PTPDC1: variants seen among roughly 807,000 people sequenced by gnomAD.
PTPDC1 encodes the protein protein tyrosine phosphatase domain containing 1, also known as protein tyrosine phosphatase domain-containing protein 1.
In PTPDC1, 53 loss-of-function variants were observed where a neutral mutation model predicts 75.3. The ratio of observed to expected loss-of-function variants is 0.70; its 90% CI spans 0.56 to 0.88. PTPDC1 has a LOEUF of 0.88. Ranked by LOEUF, PTPDC1 falls within the 40% of genes least tolerant of loss-of-function variation. The pLI is 0.00. For synonymous variants in PTPDC1, 349 were observed against 366.2 expected, an observed-to-expected ratio of 0.95 and a Z score of 0.54; for missense variants, 925 against 998.6, an observed-to-expected ratio of 0.93 and a Z score of 0.99.
chr9:94,098,794 A>G (rs1827726556), intron 6 of PTPDC1: 1 of 569,684 alleles, frequency 1.8e-6, no homozygotes, highest in Non-Finnish European at 3.1e-6. Context: ...TGCATACTCA[A>G]GAAAGCACTT....
intron 1 of PTPDC1, among the ~76,000 whole-genome samples, chr9:94,061,868 G>A (rs1329898849): frequency 1.3e-5 from 2 of 152,232 alleles, no homozygotes; most frequent in African/African-American, 4.8e-5. Flanking sequence ...TGCCTTCAAG[G>A]CGTTTTTCCC....
chr9:94,098,898 A>T (rs1350760247), intron 6 of PTPDC1, among the ~76,000 whole-genome samples: 1 of 152,242 alleles, frequency 6.6e-6, no homozygotes, highest in Non-Finnish European at 1.5e-5. Flanking sequence ...ACAGCATTCG[A>T]AACTGACTAG....
At chr9:94,047,288 A>C (rs906439642) in intron 1 of PTPDC1, among the ~76,000 whole-genome samples, 2 of 152,162 alleles carry the variant, frequency 1.3e-5, no homozygotes, top group African/African-American at 4.8e-5. Context: ...TTCATCAAGG[A>C]TATTGGTCTA....
chr9:94,059,105 C>G lies in PTPDC1; in HGVS notation c.-6-5629C>G, dbSNP rs145125344. Among the ~76,000 whole-genome samples the G allele has an allele frequency of 3.8e-4, 58 of 152,216 alleles. 1 individual carries two copies. Among genetic ancestry groups the G allele is most frequent in the African/African-American group, 1.3e-3 (55 of 41,536 alleles). On this transcript the variant is annotated intron_variant, in intron 1 of 9. Transcript: ENST00000375360. ...CTGTTGGAGTGAAAGAAAAGATAAT[C>G]CATTTGACACTTATCCTTGCGATAT... is the stretch of plus-strand genomic sequence containing the variant.
chr9:94,094,435 C>T (rs1004784182), intron 4 of PTPDC1, among the ~76,000 whole-genome samples: 1 of 152,178 alleles, frequency 6.6e-6, no homozygotes, highest in Non-Finnish European at 1.5e-5. Flanking sequence ...TCTGCCCGTT[C>T]TCAGATTTCC....
intron 2 of PTPDC1, 134 bp downstream of exon 2, chr9:94,085,556 G>C: frequency 1.1e-6 from 1 of 888,134 alleles, no homozygotes; most frequent in South Asian, 1.9e-5. Context: ...AGTCAGTTCT[G>C]GCTTTGCCTT....
intron 1 of PTPDC1, among the ~76,000 whole-genome samples, chr9:94,063,096 T>C (rs1454577495): frequency 1.3e-5 from 2 of 152,146 alleles, no homozygotes; most frequent in African/African-American, 4.8e-5. Context: ...ACAAAAAAAG[T>C]GATGACTGGT....
At chr9:94,032,985 C>T (rs1262748916) in intron 1 of PTPDC1, among the ~76,000 whole-genome samples, 2 of 152,166 alleles carry the variant, frequency 1.3e-5, no homozygotes, top group Admixed American at 1.3e-4. Context: ...CCTCAGCTTC[C>T]CAAGTAGGTG....
At chr9:94,063,119 C>T (rs1202616072) in intron 1 of PTPDC1, among the ~76,000 whole-genome samples, 1 of 152,164 alleles carries the variant, frequency 6.6e-6, no homozygotes, top group Non-Finnish European at 1.5e-5. Context: ...AAGTTTGTCA[C>T]CAGCATGCTC....
At position 94,084,627 on chromosome 9, in the gene PTPDC1, C is replaced by G; in HGVS notation, c.97C>G (p.Arg33Gly). ...GCACTCCACCTCAGACCCAGTACTGCGGCTGCAGCAGGCCCGGCGGGGCTC... is the reference window on the plus strand; with the variant it reads ...GCACTCCACCTCAGACCCAGTACTGGGGCTGCAGCAGGCCCGGCGGGGCTC... ...RRHSTSDPVL[R>G]LQQARRGSGL... Residue 33 changes from arginine to glycine, a missense_variant, in exon 1 of 9, where the codon CGG becomes GGG. Coordinates refer to ENST00000620992, the MANE Select transcript of PTPDC1 (RefSeq NM_001253829.2). The G allele has an allele frequency of 6.2e-7, 1 of 1,613,278 alleles. No homozygotes were observed.
At chr9:94,032,543 A>C (rs887089555) in intron 1 of PTPDC1, among the ~76,000 whole-genome samples, 1 of 152,146 alleles carries the variant, frequency 6.6e-6, no homozygotes, top group Non-Finnish European at 1.5e-5. Context: ...AGGAGACAGC[A>C]CCCTATCCTG....
intron 4 of PTPDC1, among the ~76,000 whole-genome samples, chr9:94,092,141 G>T (rs1827348665): frequency 6.6e-6 from 1 of 151,616 alleles, no homozygotes; most frequent in South Asian, 2.1e-4. Flanking sequence ...GAATGTGTTT[G>T]CTCCTGCTTT....
intron 1 of PTPDC1, among the ~76,000 whole-genome samples, chr9:94,036,507 G>A (rs1008511332): frequency 2.6e-5 from 4 of 151,954 alleles, no homozygotes; most frequent in African/African-American, 9.7e-5. Context: ...ACATATATGC[G>A]TGGGTTTATT....
At chr9:94,061,411 C>T (rs982952254) in intron 1 of PTPDC1, among the ~76,000 whole-genome samples, 2 of 152,216 alleles carry the variant, frequency 1.3e-5, no homozygotes, top group Non-Finnish European at 2.9e-5. Flanking sequence ...AAGACAGTGG[C>T]CTTCTTCTCA....
chr9:94,093,877 G>A (rs941192217), intron 4 of PTPDC1, among the ~76,000 whole-genome samples: 2 of 148,352 alleles, frequency 1.3e-5, no homozygotes, highest in Non-Finnish European at 3.0e-5. Context: ...TGATCGCATC[G>A]GCTCCTGAGG....
chr9:94,072,230 T>A (rs529094156), intron 2 of PTPDC1, among the ~76,000 whole-genome samples: 8 of 152,218 alleles, frequency 5.3e-5, no homozygotes, highest in Non-Finnish European at 1.2e-4. Context: ...GGTCTCAAAC[T>A]CCTGACTTCA....
chr9:94,098,116 G>A lies in PTPDC1; in HGVS notation c.1550G>A (p.Gly517Asp), dbSNP rs1827684855. Residue 517 changes from glycine to aspartate, a missense_variant, in exon 6 of 9, where the codon GGC (glycine) becomes GAC (aspartate). Gly to Asp is a moderately conservative substitution (Grantham distance 94, BLOSUM62 -1). Transcript: ENST00000620992. ...TTCTGGAGTCAGTCAAAGTTTGGAGGCCTGGAAGGACTCAAAGATAATGGG... is the reference window on the plus strand; with the variant it reads ...TTCTGGAGTCAGTCAAAGTTTGGAGACCTGGAAGGACTCAAAGATAATGGG... ...LSFWSQSKFG[G>D]LEGLKDNGSP... The A allele has an allele frequency of 6.2e-7, 1 of 1,614,082 alleles. No homozygotes were observed. Among genetic ancestry groups the A allele is most frequent in the Non-Finnish European group, 8.5e-7 (1 of 1,180,050 alleles).
rs537267693 is a variant in PTPDC1 at position 94,100,220 on chromosome 9, G to C, written c.2014-1346G>C. 9.2e-5 allele frequency: 14 copies of C among 152,486 alleles called. 1 individual carries two copies. The highest frequency in any genetic ancestry group is 3.4e-4 in the African/African-American group (14 of 41,562). 9.4% of individuals were successfully genotyped at this position (152,486 alleles called of 1,614,324 possible). A position where few individuals can be genotyped will look rare whatever the true frequency, so the allele number is the denominator to read the frequency against. On this transcript the variant is annotated intron_variant, in intron 6 of 8. Transcript: ENST00000620992. ...ACTTGCTCAGGGTCACGTGGCATGC[G>C]TGTGGCAGAGTCAGGGTACAGCACA... is the stretch of plus-strand genomic sequence containing the variant.
At chr9:94,048,570 C>T (rs559949874) in intron 1 of PTPDC1, among the ~76,000 whole-genome samples, 28 of 152,266 alleles carry the variant, frequency 1.8e-4, no homozygotes, top group Admixed American at 1.8e-3. Flanking sequence ...GTCTGAGAGA[C>T]AGTTTGTTAC....
Sources: gnomAD v4.1 joint callset for allele counts (sites outside exome capture counted in the v4.1 genomes callset) on GRCh38, gnomAD v4.1.1 for gene constraint, MANE v1.5 for transcripts, NCBI Gene and HGNC (gene_info 2026-07-23, HGNC 2026-07-21) for gene names.